TRIM66: variants seen among roughly 807,000 people sequenced by gnomAD.
TRIM66 encodes the protein tripartite motif containing 66.
Under a neutral mutation model 148.2 loss-of-function variants are expected in TRIM66, and 99 were observed. The ratio of observed to expected loss-of-function variants is 0.67; its 90% CI spans 0.57 to 0.79. The LOEUF is 0.79. Among genes scored for constraint, TRIM66 ranks in the 30% least tolerant of loss-of-function variants. TRIM66 has a pLI of 0.00. For missense variants in TRIM66, 1,666 were observed against 1,697.9 expected, an observed-to-expected ratio of 0.98 and a Z score of 0.33; for synonymous variants, 616 against 635.9, an observed-to-expected ratio of 0.97 and a Z score of 0.47.
chr11:8,682,441 C>T (rs893173460), intron 1 of TRIM66, 160 bp downstream of exon 1: 1 of 328,060 alleles, frequency 3.0e-6, no homozygotes, highest in East Asian at 8.5e-5. Context: ...TGGTGAGGAG[C>T]TCAGACAACG....
intron 15 of TRIM66, among the ~76,000 whole-genome samples, chr11:8,627,851 G>A (rs983538407): frequency 1.3e-5 from 2 of 152,154 alleles, no homozygotes; most frequent in African/African-American, 2.4e-5. Context: ...TCTGAACAGG[G>A]TCTTGCTCTG....
Position 8,616,303 on chromosome 11 carries a change from A to G in TRIM66, c.*1641T>C, listed in dbSNP as rs2033716834. 6.6e-6 allele frequency: 1 copy of G among 152,220 alleles called. No homozygotes were observed. Among genetic ancestry groups the G allele is most frequent in the Non-Finnish European group, 1.5e-5 (1 of 68,050 alleles). 9.4% of individuals were successfully genotyped at this position (152,220 alleles called of 1,614,324 possible). On this transcript the variant is annotated 3_prime_UTR_variant, in exon 25 of 25. Transcript: ENST00000646038. The stretch of plus-strand genomic sequence containing the variant: ...AGCAATACCATCAACTCACAAAGAG[A>G]GAAGAAATGTTTTCTAATTAAAAAA...
intron 6 of TRIM66, among the ~76,000 whole-genome samples, chr11:8,664,215 T>C (rs754277048): frequency 6.6e-6 from 1 of 152,258 alleles, no homozygotes; most frequent in African/African-American, 2.4e-5. Flanking sequence ...GTATCTATAC[T>C]TCAAAACATC....
At chr11:8,643,818 C>T (rs1273209530) in intron 12 of TRIM66, among the ~76,000 whole-genome samples, 1 of 152,182 alleles carries the variant, frequency 6.6e-6, no homozygotes, top group Non-Finnish European at 1.5e-5. Flanking sequence ...AAACACCCTT[C>T]TGTCCTACTC....
chr11:8,645,148 T>C (rs753973815), intron 12 of TRIM66, among the ~76,000 whole-genome samples: 3 of 152,190 alleles, frequency 2.0e-5, no homozygotes, highest in Non-Finnish European at 2.9e-5. Flanking sequence ...TACATCTCCT[T>C]CTCCAAAACC....
chr11:8,675,841 C>T (rs1200234456), intron 3 of TRIM66, among the ~76,000 whole-genome samples: 5 of 150,934 alleles, frequency 3.3e-5, no homozygotes, highest in African/African-American at 1.2e-4. Flanking sequence ...CTGGTTCAAG[C>T]GATTCTCCTG....
At chr11:8,645,073 T>G in intron 12 of TRIM66, among the ~76,000 whole-genome samples, 1 of 152,174 alleles carries the variant, frequency 6.6e-6, no homozygotes, top group East Asian at 1.9e-4. Context: ...CCTGGGTTCC[T>G]GACTTTCTCT....
At position 8,617,819 on chromosome 11, in the gene TRIM66, G is replaced by C. The variant is rs149149890; in HGVS notation, c.*125C>G. 144 of 885,012 alleles carry C rather than the reference G, an allele frequency of 1.6e-4. 1 individual carries two copies. The African/African-American group carries it at 2.2e-3, about 13-fold the overall frequency. The allele number at this position is 885,012 out of a possible 1,614,324, so 54.8% of individuals were successfully genotyped here. On this transcript the variant is annotated 3_prime_UTR_variant, in exon 25 of 25. Transcript: ENST00000646038. The stretch of plus-strand genomic sequence containing the variant: ...CTGTAGATGCAAATGGCAAAGAAGA[G>C]CACTACACAGTTCAACAAGACTCAT...
chr11:8,682,802 T>A (rs368363034), upstream of TRIM66: 1 of 1,613,308 alleles, frequency 6.2e-7, no homozygotes, highest in African/African-American at 1.3e-5. Flanking sequence ...CTTTTTCGTC[T>A]GGGCTGCCAA....
At chr11:8,648,598 CCT>C (rs1324497708) in intron 8 of TRIM66, 50 bp from the exon 9 acceptor site, 2 of 1,547,022 alleles carry the variant, frequency 1.3e-6, no homozygotes, top group Non-Finnish European at 8.7e-7. Flanking sequence ...GGTAGACAAA[CCT>C]CTCAGTTAAG....
chr11:8,629,924 C>T (rs962702753), intron 15 of TRIM66, among the ~76,000 whole-genome samples: 1 of 152,138 alleles, frequency 6.6e-6, no homozygotes, highest in Non-Finnish European at 1.5e-5. Context: ...CAGCCCAACC[C>T]CATTTTTACA....
intron 6 of TRIM66, among the ~76,000 whole-genome samples, chr11:8,662,441 T>G (rs1201513061): frequency 2.0e-5 from 3 of 152,232 alleles, no homozygotes; most frequent in Non-Finnish European, 4.4e-5. Flanking sequence ...CCGTGATTGC[T>G]CCTCCTTTCA....
chr11:8,645,494 T>C (rs1483929806), intron 12 of TRIM66, among the ~76,000 whole-genome samples: 1 of 152,184 alleles, frequency 6.6e-6, no homozygotes, highest in Non-Finnish European at 1.5e-5. Context: ...TGAGCTACCT[T>C]TGGGAGGGCA....
intron 6 of TRIM66, chr11:8,663,028 T>C (rs1031709333): frequency 4.6e-5 from 7 of 152,242 alleles, no homozygotes; most frequent in African/African-American, 1.7e-4. Context: ...CCCAAGTAGA[T>C]ATTCTCATTG....
At chr11:8,681,184 A>G (rs536895200) in intron 1 of TRIM66, among the ~76,000 whole-genome samples, 1 of 149,774 alleles carries the variant, frequency 6.7e-6, no homozygotes, top group East Asian at 2.0e-4. Flanking sequence ...CCCAGGCTGC[A>G]GTGCAGTGGC....
At chr11:8,634,666 C>T (rs541829302) in intron 15 of TRIM66, among the ~76,000 whole-genome samples, 81 of 152,268 alleles carry the variant, frequency 5.3e-4, no homozygotes, top group African/African-American at 1.8e-3. Context: ...CAGGCAAATA[C>T]CAAAATTCAT....
intron 6 of TRIM66, among the ~76,000 whole-genome samples, chr11:8,653,759 A>G (rs950476092): frequency 6.6e-6 from 1 of 152,078 alleles, no homozygotes; most frequent in Non-Finnish European, 1.5e-5. Context: ...ATCATGAAAA[A>G]TAATAGTTTA....
intron 12 of TRIM66, among the ~76,000 whole-genome samples, chr11:8,645,419 C>T (rs1057110013): frequency 8.5e-5 from 13 of 152,214 alleles, no homozygotes; most frequent in African/African-American, 3.1e-4. Context: ...GCCCAGCACA[C>T]TGCTCATGTC....
intron 6 of TRIM66, among the ~76,000 whole-genome samples, chr11:8,657,699 C>G (rs1289072395): frequency 6.6e-6 from 1 of 152,020 alleles, no homozygotes; most frequent in African/African-American, 2.4e-5. Context: ...CCCCAGTCTA[C>G]TGAGCACCAG....
Sources: allele counts gnomAD v4.1 joint callset (sites outside exome capture counted in the v4.1 genomes callset), GRCh38; gene constraint gnomAD v4.1.1; transcripts MANE v1.5; gene names NCBI Gene and HGNC (gene_info 2026-07-23, HGNC 2026-07-21).